Variants in MPHOSPH9 observed in about 807,000 individuals in gnomAD.
MPHOSPH9 encodes the protein M-phase phosphoprotein 9.
In MPHOSPH9, 88 loss-of-function variants were observed where a neutral mutation model predicts 145.5. The ratio of observed to expected loss-of-function variants is 0.60; its 90% confidence interval spans 0.51 to 0.72. MPHOSPH9 has a LOEUF of 0.72. Among genes scored for constraint, MPHOSPH9 ranks in the 30% least tolerant of loss-of-function variants. The pLI is 0.00. For synonymous variants in MPHOSPH9, 435 were observed against 486.2 expected, an observed-to-expected ratio of 0.89 and a Z score of 1.39; for missense variants, 1,238 against 1,386.6, an observed-to-expected ratio of 0.89 and a Z score of 1.70.
rs772114012 is a variant in MPHOSPH9 at position 123,161,247 on chromosome 12, A to C, written c.3270T>G (p.Cys1090Trp). The C allele has an allele frequency of 1.1e-5, 17 of 1,614,066 alleles. No homozygotes were observed. The highest frequency in any genetic ancestry group is 1.4e-5 in the Non-Finnish European group (17 of 1,180,038). Reference protein sequence around the residue: ...EKNKSVSYEQCKPVSVTPQGN... With the variant: ...EKNKSVSYEQWKPVSVTPQGN... Reference sequence around the variant, plus strand: ...CCTGTGGAGTGACTGAAACCGGCTTACACTGTTCGTAGCTAACTGATTTAT... The same window carrying C: ...CCTGTGGAGTGACTGAAACCGGCTTCCACTGTTCGTAGCTAACTGATTTAT... The change falls in exon 22 of 24, where the codon TGT becomes TGG. Residue 1090 changes from cysteine (C) to tryptophan (W), a missense_variant. By Grantham distance (215) the Cys-to-Trp change is radical. Coordinates refer to ENST00000606320, the MANE Select transcript of MPHOSPH9 (RefSeq NM_022782.4).
At chr12:123,211,678 C>T (rs2046725313) in intron 7 of MPHOSPH9, among the ~76,000 whole-genome samples, 1 of 137,434 alleles carries the variant, frequency 7.3e-6, no homozygotes, top group South Asian at 2.3e-4. Flanking sequence ...TTAAAATAGA[C>T]AATTTCTTTT....
chr12:123,184,805 T>C (rs1452375107), intron 13 of MPHOSPH9, among the ~76,000 whole-genome samples: 2 of 151,406 alleles, frequency 1.3e-5, no homozygotes, highest in African/African-American at 2.4e-5. Flanking sequence ...GCCTATTTAA[T>C]TTAATTTTTA....
intron 11 of MPHOSPH9, among the ~76,000 whole-genome samples, chr12:123,199,395 T>C (rs2046114508): frequency 1.3e-5 from 2 of 152,192 alleles, no homozygotes; most frequent in Non-Finnish European, 2.9e-5. Flanking sequence ...TAACATAGTA[T>C]GAATAATAAA....
chr12:123,218,715 G>A (rs942325940), intron 5 of MPHOSPH9, among the ~76,000 whole-genome samples: 2 of 151,784 alleles, frequency 1.3e-5, no homozygotes, highest in African/African-American at 4.8e-5. Flanking sequence ...CTAGAGATGG[G>A]GTTTCACCAT....
rs544567010 is a variant in MPHOSPH9, at chr12:123,242,644, CCTT to C, written c.-159+1206_-159+1208del. On this transcript the variant is annotated intron_variant, in intron 1 of 2. Transcript: ENST00000545406. Reference sequence around the variant, plus strand: ...GCAGCCAGTAACTGAACACCGGAGACCTTCTTGAACTCCAGCTGGGTGGGAGAC... The same window carrying C: ...GCAGCCAGTAACTGAACACCGGAGACCTTGAACTCCAGCTGGGTGGGAGAC... Among the ~76,000 whole-genome samples, 1,017 of 152,298 alleles carry C rather than the reference CCTT, an allele frequency of 6.7e-3. 3 individuals are homozygous for C. The highest frequency in any genetic ancestry group is 0.011 in the Non-Finnish European group (720 of 68,028).
At chr12:123,181,242 C>T (rs1161523034) in intron 13 of MPHOSPH9, 32 bp from the exon 14 acceptor site, 2 of 1,575,658 alleles carry the variant, frequency 1.3e-6, no homozygotes, top group Admixed American at 1.7e-5. Context: ...AATTATACCA[C>T]AAAATTAAAC....
At chr12:123,199,724 C>A (rs1368992536) in intron 11 of MPHOSPH9, among the ~76,000 whole-genome samples, 1 of 149,720 alleles carries the variant, frequency 6.7e-6, no homozygotes, top group South Asian at 2.1e-4. Flanking sequence ...ACCTGGGAGG[C>A]GGAGCTTGCA....
chr12:123,224,204 G>T (rs1179927379), intron 3 of MPHOSPH9, among the ~76,000 whole-genome samples: 1 of 143,980 alleles, frequency 6.9e-6, no homozygotes, highest in African/African-American at 2.6e-5. Context: ...GCATGATCTC[G>T]GCTCACTGCA....
intron 1 of MPHOSPH9, chr12:123,240,780 C>T: frequency 7.5e-6 from 1 of 133,912 alleles, no homozygotes; most frequent in African/African-American, 2.9e-5. Context: ...GTACCCCAGG[C>T]TGGAGTGCAG....
intron 11 of MPHOSPH9, among the ~76,000 whole-genome samples, chr12:123,198,754 G>A (rs957608629): frequency 2.7e-5 from 4 of 147,254 alleles, no homozygotes; most frequent in East Asian, 2.0e-4. Flanking sequence ...AGGTTGCAGC[G>A]GGCTGAGATC....
chr12:123,222,629 G>A (rs2138609620), intron 4 of MPHOSPH9, among the ~76,000 whole-genome samples: 1 of 152,266 alleles, frequency 6.6e-6, no homozygotes, highest in African/African-American at 2.4e-5. Context: ...ACTCCAGCCT[G>A]GGCAACAGAG....
chr12:123,232,411 TAA>T (rs1370333205), intron 1 of MPHOSPH9, among the ~76,000 whole-genome samples: 4 of 152,108 alleles, frequency 2.6e-5, no homozygotes, highest in Non-Finnish European at 5.9e-5. Context: ...AGAATGAATA[TAA>T]GAGCAGAGCT....
chr12:123,193,108 T>TATATAC (rs1326040192), intron 13 of MPHOSPH9, among the ~76,000 whole-genome samples: 1 of 94,910 alleles, frequency 1.1e-5, no homozygotes, highest in African/African-American at 4.2e-5. Flanking sequence ...TATATATATA[T>TATATAC]ACACACACAC....
intron 21 of MPHOSPH9, among the ~76,000 whole-genome samples, 170 bp downstream of exon 21, chr12:123,161,945 A>G (rs1233894225): frequency 2.6e-5 from 4 of 152,244 alleles, no homozygotes; most frequent in African/African-American, 9.6e-5. Flanking sequence ...CAATGAGGAT[A>G]ACAACATTGA....
At chr12:123,192,649 A>C (rs2045737276) in intron 13 of MPHOSPH9, among the ~76,000 whole-genome samples, 1 of 150,122 alleles carries the variant, frequency 6.7e-6, no homozygotes, top group African/African-American at 2.4e-5. Flanking sequence ...AAAAAAAAAA[A>C]AAAAAAAACA....
chr12:123,159,676 C>T lies in MPHOSPH9; in HGVS notation c.3450+1105G>A, dbSNP rs1338673949. On this transcript the variant is annotated intron_variant, in intron 23 of 23. Coordinates refer to ENST00000606320, the MANE Select transcript of MPHOSPH9 (RefSeq NM_022782.4). This position sits in a 1 kb window ranked among gnomAD's most constrained non-coding sequence, Gnocchi z 4.3. Reference sequence around the variant, plus strand: ...TCTGGGAATGACTCCTAAGGCAATACTTACACGTGCAAAGAGATATGTTTA... The same window carrying T: ...TCTGGGAATGACTCCTAAGGCAATATTTACACGTGCAAAGAGATATGTTTA... 1.3e-5 allele frequency: 2 copies of T among 152,120 alleles called. No homozygotes were observed. The highest frequency in any genetic ancestry group is 2.9e-5 in the Non-Finnish European group (2 of 68,030). 9.4% of individuals were successfully genotyped at this position (152,120 alleles called of 1,614,324 possible). A position where few individuals can be genotyped will look rare whatever the true frequency, so the allele number is the denominator to read the frequency against.
intron 17 of MPHOSPH9, chr12:123,166,427 A>G: frequency 1.8e-6 from 1 of 547,434 alleles, no homozygotes; most frequent in East Asian, 3.5e-5. Context: ...ATCCTATCCT[A>G]ATCACAAACC....
chr12:123,224,404 G>A (rs2047354622), intron 3 of MPHOSPH9, among the ~76,000 whole-genome samples: 1 of 152,018 alleles, frequency 6.6e-6, no homozygotes, highest in East Asian at 1.9e-4. Flanking sequence ...AAAGTGCTGG[G>A]ATTACAGGCG....
At chr12:123,185,234 G>A (rs1445162515) in intron 13 of MPHOSPH9, among the ~76,000 whole-genome samples, 2 of 151,600 alleles carry the variant, frequency 1.3e-5, no homozygotes, top group Admixed American at 1.3e-4. Flanking sequence ...TCCAATGGAA[G>A]CCATAATATT....
Sources: allele counts gnomAD v4.1 joint callset (sites outside exome capture counted in the v4.1 genomes callset), GRCh38; gene constraint gnomAD v4.1.1; non-coding constraint Gnocchi (gnomAD v3.1); transcripts MANE v1.5; gene names NCBI Gene and HGNC (gene_info 2026-07-23, HGNC 2026-07-21).